MAP2K4: variants seen among roughly 807,000 people sequenced by gnomAD.
The protein encoded by MAP2K4 is dual specificity mitogen-activated protein kinase kinase 4.
Under a neutral mutation model 48.5 loss-of-function variants are expected in MAP2K4, and 4 were observed. The ratio of observed to expected loss-of-function variants is 0.08; its 90% CI spans 0.04 to 0.19. The LOEUF is 0.19. Among genes scored for constraint, MAP2K4 ranks in the 10% least tolerant of loss-of-function variants. MAP2K4 has a pLI of 1.00. For synonymous variants in MAP2K4, 166 were observed against 173.1 expected (o/e 0.96, Z 0.32); for missense variants, 258 against 493.3 (o/e 0.52, Z 4.52).
intron 2 of MAP2K4, among the ~76,000 whole-genome samples, chr17:12,066,924 G>A (rs990516117): frequency 1.3e-5 from 2 of 152,128 alleles, no homozygotes; most frequent in Admixed American, 6.5e-5. Context: ...TGATCCGCCC[G>A]CCTCGGCCTC....
chr17:12,054,928 C>T lies in MAP2K4; in HGVS notation c.155C>T (p.Pro52Leu), dbSNP rs1358824984. The T allele has an allele frequency of 6.2e-7, 1 of 1,612,346 alleles. No individual in the cohort carries two copies. The highest frequency in any genetic ancestry group is 2.2e-5 in the East Asian group (1 of 44,762). Residue 52 changes from proline to leucine, a missense_variant, in exon 2 of 11, where the codon CCT (proline) becomes CTT (leucine). This residue lies in a region of MAP2K4 where 132 missense variants were observed against 352.8 expected (regional missense o/e 0.37). Coordinates refer to ENST00000353533, the MANE Select transcript of MAP2K4 (RefSeq NM_003010.4). ...CTGAAGTTGAATTTTGCAAATCCAC[C>T]TTTCAAATCTACAGCAAGGTTTACT... ...KALKLNFANP[P>L]FKSTARFTLN... is the part of the protein sequence containing the mutation.
At chr17:12,099,689 C>G (rs577157181) in intron 4 of MAP2K4, among the ~76,000 whole-genome samples, 5 of 152,176 alleles carry the variant, frequency 3.3e-5, no homozygotes, top group South Asian at 2.1e-4. Flanking sequence ...CATTTTCAGG[C>G]TTTGTAGGTA....
At chr17:12,031,999 T>C (rs1428104306) in intron 1 of MAP2K4, among the ~76,000 whole-genome samples, 1 of 152,154 alleles carries the variant, frequency 6.6e-6, no homozygotes, top group East Asian at 1.9e-4. Flanking sequence ...TAGTTCTTTT[T>C]ATTAAATATA....
chr17:12,098,606 C>G (rs1429280571), intron 4 of MAP2K4, among the ~76,000 whole-genome samples: 1 of 151,746 alleles, frequency 6.6e-6, no homozygotes, highest in African/African-American at 2.4e-5. Context: ...AAACATGCAT[C>G]TTTTTTGGTG....
Position 12,143,077 on chromosome 17 carries a change from C to T in MAP2K4, c.*1817C>T. 4.3e-6 allele frequency: 1 copy of T among 232,942 alleles called. No individual in the cohort carries two copies. Among genetic ancestry groups the T allele is most frequent in the Middle Eastern group, 1.3e-3 (1 of 784 alleles). The allele number at this position is 232,942 out of a possible 1,614,324, so 14.4% of individuals were successfully genotyped here. A position where few individuals can be genotyped will look rare whatever the true frequency, so the allele number is the denominator to read the frequency against. On this transcript the variant is annotated 3_prime_UTR_variant, in exon 11 of 11. Transcript: ENST00000353533. ...TACTTGCCTCATTTCCCTATCTTCT[C>T]CCCCACGGTATCCTAAACTTTAGAC...
chr17:12,091,098 TAGA>T, intron 3 of MAP2K4, among the ~76,000 whole-genome samples: 1 of 152,222 alleles, frequency 6.6e-6, no homozygotes, highest in Non-Finnish European at 1.5e-5. Flanking sequence ...GGAGGACACC[TAGA>T]ACAGCACCAC....
chr17:12,124,401 A>G (rs1972785880), intron 7 of MAP2K4: 1 of 152,196 alleles, frequency 6.6e-6, no homozygotes, highest in Admixed American at 6.5e-5. Flanking sequence ...ATAGGATAAT[A>G]TATTACTGTC....
chr17:12,129,429 A>G, intron 9 of MAP2K4, 142 bp downstream of exon 9: 1 of 916,574 alleles, frequency 1.1e-6, no homozygotes, highest in Admixed American at 2.2e-5. Flanking sequence ...ACTCTGGATC[A>G]CTGTGGCTGT....
intron 7 of MAP2K4, among the ~76,000 whole-genome samples, chr17:12,115,298 GTGT>G (rs1302136702): frequency 6.6e-6 from 1 of 152,176 alleles, no homozygotes; most frequent in South Asian, 2.1e-4. Flanking sequence ...TCTGAGAAGT[GTGT>G]TGTTAGGCAA....
intron 1 of MAP2K4, among the ~76,000 whole-genome samples, chr17:12,043,239 T>G (rs113561277): frequency 0.015 from 2,323 of 152,348 alleles, 56 homozygotes; most frequent in African/African-American, 0.051. Context: ...TTACTTGTTT[T>G]TAGGCTTGTT....
chr17:12,092,912 G>C (rs919975235), intron 3 of MAP2K4, among the ~76,000 whole-genome samples: 1 of 152,128 alleles, frequency 6.6e-6, no homozygotes, highest in Admixed American at 6.5e-5. Flanking sequence ...TGTAGTCCCA[G>C]CTACTCGGGA....
At position 12,141,106 on chromosome 17, in the gene MAP2K4, C is replaced by T. The variant is rs776193868; in HGVS notation, c.1087-41C>T. ...TTGGAAAATGTTCAGTTTGGGCTGT[C>T]ATACAAACTTTTGACTTTTTTGTTT... On this transcript the variant is annotated intron_variant, in intron 10 of 10. Transcript: ENST00000353533. 13 of 1,248,248 alleles carry T rather than the reference C, an allele frequency of 1.0e-5. No individual in the cohort carries two copies. In the South Asian group the frequency reaches 1.6e-4, roughly 15 times the overall value. The allele number at this position is 1,248,248 out of a possible 1,614,324, so 77.3% of individuals were successfully genotyped here. A position where few individuals can be genotyped will look rare whatever the true frequency, so the allele number is the denominator to read the frequency against.
chr17:12,142,692 A>G lies in MAP2K4; in HGVS notation c.*1432A>G, dbSNP rs150125305. On this transcript the variant is annotated 3_prime_UTR_variant, in exon 11 of 11. Transcript: ENST00000353533. ...CATTGGAATTCTACTGGAAAAAAAT[A>G]CAAAAAGCAAAACAAAACCCTCAGC... The G allele has an allele frequency of 2.0e-3, 464 of 233,102 alleles. 3 individuals carry two copies. Among genetic ancestry groups the G allele is most frequent in the African/African-American group, 9.3e-3 (424 of 45,450 alleles). 14.4% of individuals were successfully genotyped at this position (233,102 alleles called of 1,614,324 possible). A position where few individuals can be genotyped will look rare whatever the true frequency, so the allele number is the denominator to read the frequency against.
chr17:12,043,609 G>A (rs542209796), intron 1 of MAP2K4, among the ~76,000 whole-genome samples: 2 of 152,148 alleles, frequency 1.3e-5, no homozygotes, highest in African/African-American at 4.8e-5. Flanking sequence ...ATGTCTTATG[G>A]AACTCAGGAA....
chr17:12,075,783 A>G (rs1480537860), intron 2 of MAP2K4, among the ~76,000 whole-genome samples: 1 of 152,208 alleles, frequency 6.6e-6, no homozygotes, highest in Non-Finnish European at 1.5e-5. Context: ...CAGCCATTCC[A>G]GTAGTGATAA....
intron 3 of MAP2K4, among the ~76,000 whole-genome samples, chr17:12,083,656 A>G: frequency 6.6e-6 from 1 of 152,260 alleles, no homozygotes; most frequent in Non-Finnish European, 1.5e-5. Context: ...ATTAATATGC[A>G]TTAAAATTTG....
intron 1 of MAP2K4, among the ~76,000 whole-genome samples, chr17:12,050,116 A>G (rs1221942967): frequency 6.6e-6 from 1 of 152,056 alleles, no homozygotes; most frequent in African/African-American, 2.4e-5. Flanking sequence ...GGGTGGGAGG[A>G]TTCTAGTGAT....
At chr17:12,120,561 C>A in intron 7 of MAP2K4, among the ~76,000 whole-genome samples, 2 of 126,608 alleles carry the variant, frequency 1.6e-5, no homozygotes, top group South Asian at 3.0e-4. Flanking sequence ...AGAAAAAATG[C>A]TCTTGATGAA....
At chr17:12,063,843 A>G (rs1277373083) in intron 2 of MAP2K4, among the ~76,000 whole-genome samples, 2 of 151,718 alleles carry the variant, frequency 1.3e-5, no homozygotes, top group East Asian at 3.9e-4. Context: ...ATGGTGTCGC[A>G]TGGCTGTAAC....
Sources: allele counts gnomAD v4.1 joint callset (sites outside exome capture counted in the v4.1 genomes callset), GRCh38; gene constraint gnomAD v4.1.1; regional missense constraint gnomAD v4.1.1; transcripts MANE v1.5; gene names NCBI Gene and HGNC (gene_info 2026-07-23, HGNC 2026-07-21).